Variants in SOX5 observed in about 807,000 individuals in gnomAD.
The protein encoded by SOX5 is transcription factor SOX-5.
SOX5 carries 9 observed loss-of-function variants against 92.0 expected under a neutral mutation model. The observed-to-expected ratio is 0.10, with a 90% CI of 0.06 to 0.17. SOX5 has a LOEUF of 0.17. Among genes scored for constraint, SOX5 ranks in the 10% least tolerant of loss-of-function variants. SOX5 has a pLI of 1.00. For missense variants in SOX5, 642 were observed against 944.5 expected, an observed-to-expected ratio of 0.68 and a Z score of 4.20; for synonymous variants, 344 against 336.3, an observed-to-expected ratio of 1.02 and a Z score of -0.25.
intron 4 of SOX5, among the ~76,000 whole-genome samples, chr12:24,211,002 A>G (rs1958549692): frequency 6.6e-6 from 1 of 152,158 alleles, no homozygotes; most frequent in South Asian, 2.1e-4. Context: ...AATAATAGTC[A>G]AGGTCCTATT....
intron 6 of SOX5, among the ~76,000 whole-genome samples, chr12:23,678,951 T>G (rs2086138598): frequency 1.3e-5 from 2 of 152,070 alleles, no homozygotes; most frequent in African/African-American, 4.8e-5. Flanking sequence ...TATAAAAAAT[T>G]TTAAATGACA....
At chr12:24,531,834 C>T (rs1951220185) in intron 1 of SOX5, among the ~76,000 whole-genome samples, 3 of 152,246 alleles carry the variant, frequency 2.0e-5, no homozygotes, top group South Asian at 2.1e-4. Flanking sequence ...AAAATTTGCC[C>T]GCTGAGGTTA....
intron 1 of SOX5, among the ~76,000 whole-genome samples, chr12:24,440,352 G>A (rs747135568): frequency 6.6e-6 from 1 of 152,118 alleles, no homozygotes; most frequent in African/African-American, 2.4e-5. Flanking sequence ...TGTGTGGGGT[G>A]GGAGCGGTCA....
At chr12:24,356,981 G>C (rs10842332) in intron 2 of SOX5, among the ~76,000 whole-genome samples, 38,663 of 152,124 alleles carry the variant, frequency 0.25, 6,075 homozygotes, top group Non-Finnish European at 0.36. Flanking sequence ...AGAGAAAAAA[G>C]GCTGATCATG....
chr12:23,979,937 A>C (rs1949396705), intron 4 of SOX5, among the ~76,000 whole-genome samples: 1 of 130,330 alleles, frequency 7.7e-6, no homozygotes, highest in South Asian at 2.5e-4. Flanking sequence ...AGACAGACAG[A>C]TAGATAGATA....
At chr12:24,041,663 A>G (rs1280373589) in intron 4 of SOX5, among the ~76,000 whole-genome samples, 1 of 152,158 alleles carries the variant, frequency 6.6e-6, no homozygotes, top group African/African-American at 2.4e-5. Flanking sequence ...CTACTGGTGA[A>G]CAAAATATTC....
intron 6 of SOX5, among the ~76,000 whole-genome samples, chr12:23,700,827 C>A (rs1237975811): frequency 6.6e-6 from 1 of 151,990 alleles, no homozygotes; most frequent in Non-Finnish European, 1.5e-5. Flanking sequence ...CCTTAGTGTA[C>A]TGTATTTTGG....
chr12:24,213,416 T>C (rs1442252354), exon 4 of SOX5: 1 of 23,786 alleles, frequency 4.2e-5, no homozygotes, highest in African/African-American at 2.0e-4. Context: ...TTTCTTGAAA[T>C]GCTAAAAAAA....
intron 11 of SOX5, among the ~76,000 whole-genome samples, chr12:23,562,341 T>C (rs866519701): frequency 2.6e-5 from 4 of 152,218 alleles, no homozygotes; most frequent in Admixed American, 6.5e-5. Context: ...TGCCAGCTTC[T>C]TAGTGATTAT....
chr12:24,305,018 T>C (rs1948416304), intron 2 of SOX5, among the ~76,000 whole-genome samples: 3 of 152,224 alleles, frequency 2.0e-5, no homozygotes, highest in South Asian at 4.1e-4. Context: ...CTGAAGAAGA[T>C]GCTGGAAGAA....
At chr12:23,766,291 T>A (rs2094723931) in intron 3 of SOX5, among the ~76,000 whole-genome samples, 1 of 152,108 alleles carries the variant, frequency 6.6e-6, no homozygotes, top group Admixed American at 6.6e-5. Flanking sequence ...AAATTTAAAC[T>A]ACATGGATAA....
intron 4 of SOX5, among the ~76,000 whole-genome samples, chr12:24,010,403 A>G (rs917127464): frequency 4.6e-5 from 7 of 152,230 alleles, no homozygotes; most frequent in Admixed American, 1.3e-4. Context: ...GTAACTAGCA[A>G]TAACACATTG....
At chr12:24,418,530 C>G (rs1965403064) in intron 1 of SOX5, among the ~76,000 whole-genome samples, 1 of 152,208 alleles carries the variant, frequency 6.6e-6, no homozygotes, top group African/African-American at 2.4e-5. Context: ...CTTTCCCAAA[C>G]TCTGTGGTCA....
At chr12:23,970,841 A>ATATATATATATATATTTTTTTTTTTT in intron 4 of SOX5, among the ~76,000 whole-genome samples, 1 of 21,878 alleles carries the variant, frequency 4.6e-5, no homozygotes, top group Non-Finnish European at 1.0e-4. Flanking sequence ...TATATATATA[A>ATATATATATATATATTTTTTTTTTTT]TTTTTTTTTT....
intron 8 of SOX5, among the ~76,000 whole-genome samples, chr12:23,605,252 TA>T: frequency 6.6e-6 from 1 of 152,182 alleles, no homozygotes; most frequent in East Asian, 1.9e-4. Context: ...ATTGTCCAAG[TA>T]ATTAATAAAA....
chr12:24,045,474 T>A (rs78793992), intron 4 of SOX5, among the ~76,000 whole-genome samples: 1 of 152,164 alleles, frequency 6.6e-6, no homozygotes, highest in African/African-American at 2.4e-5. Flanking sequence ...ATTTTTAAAT[T>A]TTTTTGTAGA....
At chr12:24,432,744 G>A (rs776438100) in intron 1 of SOX5, among the ~76,000 whole-genome samples, 8 of 152,048 alleles carry the variant, frequency 5.3e-5, no homozygotes, top group Admixed American at 1.3e-4. Context: ...CCCAGGAGGC[G>A]GAGATTGCAG....
rs113908830 is a variant in SOX5, at chr12:24,294,345, T to A, written c.-173-17033A>T. 5.7e-3 allele frequency among the ~76,000 whole-genome samples: 873 copies of A among 152,216 alleles called. 7 individuals carry two copies. The highest frequency in any genetic ancestry group is 0.02 in the African/African-American group (825 of 41,530). On this transcript the variant is annotated intron_variant, in intron 2 of 4. Coordinates refer to the SOX5 transcript ENST00000446891. Reference sequence around the variant, plus strand: ...GAAATGGCACCAGGAAAAGAGCTATTCCTTTATTTCTCTTCTCTCTACCAG... The same window carrying A: ...GAAATGGCACCAGGAAAAGAGCTATACCTTTATTTCTCTTCTCTCTACCAG...
chr12:23,784,331 A>AT (rs1223246106), intron 3 of SOX5, among the ~76,000 whole-genome samples: 1 of 151,858 alleles, frequency 6.6e-6, no homozygotes, highest in Non-Finnish European at 1.5e-5. Context: ...TATTCATTTT[A>AT]TTTTTTTATT....
Sources: allele counts gnomAD v4.1 joint callset (sites outside exome capture counted in the v4.1 genomes callset), GRCh38; gene constraint gnomAD v4.1.1; transcripts MANE v1.5; gene names NCBI Gene and HGNC (gene_info 2026-07-23, HGNC 2026-07-21).